USP34: variants seen among roughly 807,000 people sequenced by gnomAD.
USP34 encodes the protein ubiquitin carboxyl-terminal hydrolase 34.
USP34 carries 70 observed loss-of-function variants against 460.3 expected under a neutral mutation model. The ratio of observed to expected loss-of-function variants is 0.15; its 90% CI spans 0.13 to 0.19. The LOEUF (loss-of-function observed/expected upper bound fraction) is 0.19, where lower values mean the gene tolerates loss of function less well. USP34 is among the 10% of genes least tolerant of loss of function. USP34 has a pLI of 1.00. For missense variants in USP34, 3,985 were observed against 4,236.2 expected (o/e 0.94, Z 1.65); for synonymous variants, 1,647 against 1,405.3 (o/e 1.17, Z -3.85).
chr2:61,350,834 A>G, intron 10 of USP34, 141 bp from the exon 11 acceptor site: 1 of 782,836 alleles, frequency 1.3e-6, no homozygotes, highest in Non-Finnish European at 1.9e-6. Flanking sequence ...CTAATTATCT[A>G]AGATGATGAA....
At chr2:61,196,229 C>T (rs575513079) in intron 75 of USP34, among the ~76,000 whole-genome samples, 2 of 151,068 alleles carry the variant, frequency 1.3e-5, no homozygotes, top group South Asian at 2.1e-4. Context: ...TACAGGTGCC[C>T]GCCACCATGC....
chr2:61,305,238 T>TGC (rs1303777645), intron 27 of USP34, among the ~76,000 whole-genome samples: 3 of 151,738 alleles, frequency 2.0e-5, no homozygotes, highest in Non-Finnish European at 4.4e-5. Context: ...GCAGAAAAAT[T>TGC]GCTTGACCCC....
At chr2:61,450,301 CTGAT>C (rs1390441732) in intron 1 of USP34, among the ~76,000 whole-genome samples, 1 of 152,114 alleles carries the variant, frequency 6.6e-6, no homozygotes, top group African/African-American at 2.4e-5. Flanking sequence ...CTTAGGGTGA[CTGAT>C]TGCTAAAAGG....
chr2:61,333,705 C>T (rs1270367802), intron 19 of USP34, among the ~76,000 whole-genome samples, 177 bp downstream of exon 19: 1 of 152,060 alleles, frequency 6.6e-6, no homozygotes, highest in Non-Finnish European at 1.5e-5. Context: ...GATTTTCCTA[C>T]TGATCAGGAT....
At chr2:61,365,855 A>G (rs2103824383) in intron 10 of USP34, among the ~76,000 whole-genome samples, 1 of 152,362 alleles carries the variant, frequency 6.6e-6, no homozygotes, top group East Asian at 1.9e-4. Flanking sequence ...GTACTTTATA[A>G]TAAAAAGAAC....
intron 67 of USP34, among the ~76,000 whole-genome samples, chr2:61,219,933 T>C (rs1687510613): frequency 6.6e-6 from 1 of 151,798 alleles, no homozygotes; most frequent in African/African-American, 2.4e-5. Flanking sequence ...ACTTAAAGTG[T>C]TTATATAACT....
chr2:61,389,988 G>C (rs552076399), intron 5 of USP34, among the ~76,000 whole-genome samples: 4 of 152,152 alleles, frequency 2.6e-5, no homozygotes, highest in South Asian at 2.1e-4. Context: ...CTAGTAAAGA[G>C]ATATCAAAAA....
At chr2:61,228,157 G>T (rs557511310) in intron 61 of USP34, among the ~76,000 whole-genome samples, 1 of 152,168 alleles carries the variant, frequency 6.6e-6, no homozygotes, top group East Asian at 1.9e-4. Flanking sequence ...GAGATATAAA[G>T]GGTACTTATC....
chr2:61,425,374 T>C (rs535640467), intron 1 of USP34, among the ~76,000 whole-genome samples: 28 of 151,988 alleles, frequency 1.8e-4, no homozygotes, highest in Admixed American at 4.6e-4. Flanking sequence ...AGTCCTCAAT[T>C]AGCAACTACG....
intron 8 of USP34, among the ~76,000 whole-genome samples, chr2:61,374,159 G>GAAAA (rs76561805): frequency 1.2e-4 from 14 of 117,722 alleles, no homozygotes; most frequent in African/African-American, 4.2e-4. Context: ...CCATCTCAGG[G>GAAAA]AAAAAAAAAA....
intron 3 of USP34, among the ~76,000 whole-genome samples, chr2:61,396,926 G>A (rs1693548698): frequency 6.6e-6 from 1 of 152,162 alleles, no homozygotes; most frequent in Admixed American, 6.5e-5. Flanking sequence ...TTAATCAAGT[G>A]ATTTTTAAGG....
chr2:61,351,901 T>C (rs568343190), intron 10 of USP34, among the ~76,000 whole-genome samples: 1 of 152,330 alleles, frequency 6.6e-6, no homozygotes, highest in East Asian at 1.9e-4. Context: ...GACAAGTGAA[T>C]ACTCAGTAAG....
chr2:61,207,001 A>C, intron 70 of USP34, 115 bp from the exon 71 acceptor site: 1 of 1,138,766 alleles, frequency 8.8e-7, no homozygotes, highest in Non-Finnish European at 1.2e-6. Context: ...GTGTGTGCAC[A>C]TGTGTGCAAA....
At chr2:61,324,875 A>C (rs1691036386) in intron 21 of USP34, among the ~76,000 whole-genome samples, 2 of 152,156 alleles carry the variant, frequency 1.3e-5, no homozygotes, top group Non-Finnish European at 2.9e-5. Flanking sequence ...ATGTTGGTAT[A>C]ATTTATAAAT....
At chr2:61,263,491 T>C (rs1688957902) in intron 43 of USP34, among the ~76,000 whole-genome samples, 1 of 151,294 alleles carries the variant, frequency 6.6e-6, no homozygotes, top group Non-Finnish European at 1.5e-5. Flanking sequence ...AAAGGCTTTT[T>C]TTTTTTTTGA....
At chr2:61,267,866 A>G (rs1689099391) in intron 41 of USP34, among the ~76,000 whole-genome samples, 1 of 151,680 alleles carries the variant, frequency 6.6e-6, no homozygotes. Flanking sequence ...TCCATCTGCC[A>G]GCCTCGGCCT....
At position 61,311,918 on chromosome 2, in the gene USP34, A is replaced by G. The variant is rs368782400; in HGVS notation, c.3543-8T>C. 16 of 1,611,262 alleles carry G rather than the reference A, an allele frequency of 9.9e-6. No homozygotes were observed. The African/African-American group carries it at 1.2e-4, about 12-fold the overall frequency. ...CTCAGATGATATGCAAACCTAAAAC[A>G]TGACACAAACAACACATAGAAAGGA... On this transcript the variant is annotated splice_polypyrimidine_tract_variant and splice_region_variant and intron_variant, in intron 25 of 79. Coordinates refer to ENST00000398571, the MANE Select transcript of USP34 (RefSeq NM_014709.4).
At chr2:61,259,807 C>A in intron 43 of USP34, 31 bp from the exon 44 acceptor site, 2 of 1,601,048 alleles carry the variant, frequency 1.2e-6, no homozygotes, top group Non-Finnish European at 1.7e-6. Flanking sequence ...CCATTAAAAA[C>A]ACAGACATGA....
At chr2:61,352,646 G>C (rs1199660709) in intron 10 of USP34, among the ~76,000 whole-genome samples, 2 of 144,896 alleles carry the variant, frequency 1.4e-5, no homozygotes, top group East Asian at 4.1e-4. Flanking sequence ...CAAGACCCTT[G>C]AGAAAAAAAA....
Sources: gnomAD v4.1 joint callset for allele counts (sites outside exome capture counted in the v4.1 genomes callset) on GRCh38, gnomAD v4.1.1 for gene constraint, MANE v1.5 for transcripts, NCBI Gene and HGNC (gene_info 2026-07-23, HGNC 2026-07-21) for gene names.